GLIPR2: variants seen among roughly 807,000 people sequenced by gnomAD.
GLIPR2 encodes the protein Golgi-associated plant pathogenesis-related protein 1.
Under a neutral mutation model 20.4 loss-of-function variants are expected in GLIPR2, and 21 were observed. The ratio of observed to expected loss-of-function variants is 1.03; its 90% CI spans 0.73 to 1.48. The LOEUF (loss-of-function observed/expected upper bound fraction) is 1.48, where lower values mean the gene tolerates loss of function less well. Ranked by LOEUF, GLIPR2 falls within the 40% of genes most tolerant of loss-of-function variation. The pLI is 0.00. For missense variants in GLIPR2, 205 were observed against 200.1 expected, an observed-to-expected ratio of 1.02 and a Z score of -0.15; for synonymous variants, 91 against 80.5, an observed-to-expected ratio of 1.13 and a Z score of -0.70.
chr9:36,141,893 C>A (rs1455671455), intron 1 of GLIPR2: 1 of 455,522 alleles, frequency 2.2e-6, no homozygotes, highest in Non-Finnish European at 4.4e-6. Flanking sequence ...CCAGAAGGAA[C>A]TTCGAGAACC....
At chr9:36,160,037 G>A (rs1035058866) in intron 4 of GLIPR2, among the ~76,000 whole-genome samples, 1 of 152,154 alleles carries the variant, frequency 6.6e-6, no homozygotes, top group African/African-American at 2.4e-5. Context: ...CTAAGACCAA[G>A]GGACAAGAAG....
At position 36,147,881 on chromosome 9, in the gene GLIPR2, C is replaced by G. The variant is rs11541720; in HGVS notation, c.109C>G (p.Arg37Gly). 6.5e-7 allele frequency: 1 copy of G among 1,537,332 alleles called. No individual in the cohort carries two copies. The highest frequency in any genetic ancestry group is 9.0e-7 in the Non-Finnish European group (1 of 1,110,268). The part of the protein sequence containing the change: ...PPLKLCKNLN[R>G]EAQQYSEALA... ...ACTGAAGCTCTGCAAGAACCTCAAC[C>G]GGGAGGCTCAACAGTGAGTCCCCTA... The change falls in exon 2 of 5, where the codon CGG (arginine) becomes GGG (glycine). Residue 37 changes from arginine (R) to glycine (G), a missense_variant. Physicochemically the swap from Arg to Gly is moderately radical, Grantham distance 125 (BLOSUM62 -2). Coordinates refer to ENST00000377960, the MANE Select transcript of GLIPR2 (RefSeq NM_022343.4).
At chr9:36,160,333 T>C (rs1826001718) in intron 4 of GLIPR2, among the ~76,000 whole-genome samples, 1 of 152,144 alleles carries the variant, frequency 6.6e-6, no homozygotes, top group Non-Finnish European at 1.5e-5. Flanking sequence ...TTACAAATAC[T>C]TTTTGAAAAA....
At chr9:36,150,373 C>T (rs1472928505) in intron 3 of GLIPR2, among the ~76,000 whole-genome samples, 1 of 152,184 alleles carries the variant, frequency 6.6e-6, no homozygotes, top group Non-Finnish European at 1.5e-5. Context: ...AGTGGATGCC[C>T]CAGGTGAGGT....
At position 36,136,920 on chromosome 9, in the gene GLIPR2, G is replaced by C. The variant is rs891826953; in HGVS notation, c.13+129G>C. The stretch of plus-strand genomic sequence containing the variant: ...AGCCCGGGGTGCGGGTGGAGGGCGC[G>C]CGGGCGGAGCGCCCCGGCGCGGTTT... On this transcript the variant is annotated intron_variant, in intron 1 of 4. Transcript: ENST00000377960. The surrounding 1 kb of genome is among the most constrained non-coding windows in gnomAD (Gnocchi z 4.3). 5.6e-6 allele frequency: 6 copies of C among 1,075,034 alleles called. No homozygotes were observed. The African/African-American group carries it at 9.8e-5, about 18-fold the overall frequency. The allele number at this position is 1,075,034 out of a possible 1,614,324, so 66.6% of individuals were successfully genotyped here.
In GLIPR2 at chr9:36,162,504, C is replaced by G; in HGVS notation, c.447C>G (p.Val149=). ...VVNEGFFEEN[V]LPPKK ...ATGAGGGCTTCTTCGAAGAAAACGT[C>G]CTGCCGCCGAAGAAGTAACTTGTTA... The change falls in exon 5 of 5, where the codon GTC becomes GTG. Residue 149 remains valine, a synonymous_variant. Coordinates refer to ENST00000377960, the MANE Select transcript of GLIPR2 (RefSeq NM_022343.4). 1 of 1,614,158 alleles carries G rather than the reference C, an allele frequency of 6.2e-7. No homozygotes were observed. The highest frequency in any genetic ancestry group is 8.5e-7 in the Non-Finnish European group (1 of 1,180,018).
rs538893716 is a variant in GLIPR2 at position 36,141,810 on chromosome 9, C to G, written c.13+5019C>G. 83 of 453,990 alleles carry G rather than the reference C, an allele frequency of 1.8e-4. 3 individuals carry two copies. Among genetic ancestry groups the G allele is most frequent in the South Asian group, 1.3e-3 (83 of 64,312 alleles). 28.1% of individuals were successfully genotyped at this position (453,990 alleles called of 1,614,324 possible). ...CTGGGACCACAGGCGTGGGTCACCA[C>G]GCATGGCTAATTTTTTTTTTTTTTG... On this transcript the variant is annotated intron_variant, in intron 1 of 4. Transcript: ENST00000377960.
chr9:36,144,329 T>C (rs987936848), intron 1 of GLIPR2: 3 of 152,262 alleles, frequency 2.0e-5, no homozygotes, highest in Non-Finnish European at 4.4e-5. Flanking sequence ...ATCTTAACCA[T>C]TTTTAAGTGT....
chr9:36,160,583 AAAAT>A (rs1056521595), intron 4 of GLIPR2, among the ~76,000 whole-genome samples: 1 of 152,150 alleles, frequency 6.6e-6, no homozygotes, highest in Non-Finnish European at 1.5e-5. Flanking sequence ...CAGAAGAAAA[AAAAT>A]GTGCAAGGGT....
At chr9:36,137,298 G>A (rs141064363) in intron 1 of GLIPR2, among the ~76,000 whole-genome samples, 92 of 152,288 alleles carry the variant, frequency 6.0e-4, no homozygotes, top group African/African-American at 1.9e-3. Flanking sequence ...TCTCTACTGT[G>A]GCTGTCGGGA....
chr9:36,136,862 G>A lies in GLIPR2; in HGVS notation c.13+71G>A. 8.0e-7 allele frequency: 1 copy of A among 1,254,912 alleles called. No individual in the cohort carries two copies. The highest frequency in any genetic ancestry group is 2.6e-4 in the Middle Eastern group (1 of 3,794). 77.7% of individuals were successfully genotyped at this position (1,254,912 alleles called of 1,614,324 possible). A position where few individuals can be genotyped will look rare whatever the true frequency, so the allele number is the denominator to read the frequency against. ...GCTCCCGGACCTCGCCGTCTCCCTCGTCCGCCGCAAGCCAGGTCCTGGGGA... is the reference window on the plus strand; with the variant it reads ...GCTCCCGGACCTCGCCGTCTCCCTCATCCGCCGCAAGCCAGGTCCTGGGGA... On this transcript the variant is annotated intron_variant, in intron 1 of 4. Transcript: ENST00000377960. The surrounding 1 kb of genome is among the most constrained non-coding windows in gnomAD (Gnocchi z 4.3).
intron 1 of GLIPR2, among the ~76,000 whole-genome samples, chr9:36,145,754 A>G (rs953813894): frequency 1.3e-5 from 2 of 152,014 alleles, no homozygotes; most frequent in Non-Finnish European, 2.9e-5. Flanking sequence ...TGGTGGATGG[A>G]CAGATGAATG....
Position 36,162,430 on chromosome 9 carries a change from G to T in GLIPR2, c.373G>T (p.Gly125Trp). ...CGTGGGGAAGGCGTCCGCAAGTGACGGGTCCTCCTTTGTGGTGGCCAGATA... is the reference window on the plus strand; with the variant it reads ...CGTGGGGAAGGCGTCCGCAAGTGACTGGTCCTCCTTTGTGGTGGCCAGATA... ...MGVGKASASD[G>W]SSFVVARYFP... The change falls in exon 5 of 5, where the codon GGG becomes TGG. Residue 125 changes from glycine to tryptophan, a missense_variant. By Grantham distance (184) the Gly-to-Trp change is radical. Coordinates refer to ENST00000377960, the MANE Select transcript of GLIPR2 (RefSeq NM_022343.4). 1.2e-6 allele frequency: 2 copies of T among 1,614,086 alleles called. No homozygotes were observed. Among genetic ancestry groups the T allele is most frequent in the Middle Eastern group, 1.7e-4 (1 of 6,060 alleles).
intron 1 of GLIPR2, among the ~76,000 whole-genome samples, chr9:36,146,430 A>C (rs117180227): frequency 0.01 from 1,538 of 152,246 alleles, 14 homozygotes; most frequent in Middle Eastern, 0.024. Context: ...CACTTACAAA[A>C]TATATTCACT....
chr9:36,142,382 C>A (rs1370056279), intron 1 of GLIPR2, among the ~76,000 whole-genome samples: 1 of 152,110 alleles, frequency 6.6e-6, no homozygotes, highest in Non-Finnish European at 1.5e-5. Flanking sequence ...GGAATTTGGG[C>A]AGGTAACTTC....
intron 3 of GLIPR2, among the ~76,000 whole-genome samples, chr9:36,150,664 C>G (rs542160852): frequency 6.6e-6 from 1 of 152,156 alleles, no homozygotes; most frequent in Non-Finnish European, 1.5e-5. Context: ...TCCCAGCCCC[C>G]CAGAAGGCCC....
Position 36,162,791 on chromosome 9 carries a change from T to A in GLIPR2, c.*269T>A, listed in dbSNP as rs1009011302. On this transcript the variant is annotated 3_prime_UTR_variant, in exon 5 of 5. Transcript: ENST00000377960. ...GGAGGGGGGATCCGTTTTTTTTTTT[T>A]AATTTTTTGTTATTTCTAAGCAAAC... The A allele has an allele frequency of 1.1e-4, 56 of 519,274 alleles. No individual in the cohort carries two copies. The highest frequency in any genetic ancestry group is 4.6e-4 in the Middle Eastern group (1 of 2,164). The allele number at this position is 519,274 out of a possible 1,614,324, so 32.2% of individuals were successfully genotyped here.
At chr9:36,153,109 C>T (rs541025784) in intron 4 of GLIPR2, among the ~76,000 whole-genome samples, 5 of 127,088 alleles carry the variant, frequency 3.9e-5, no homozygotes, top group African/African-American at 1.5e-4. Context: ...GCAACAAGGG[C>T]GAGACTCTGT....
In GLIPR2 at chr9:36,163,012, G is replaced by C. The variant is rs2132805505; in HGVS notation, c.*490G>C. ...GCTTTAAGCACATAAATACAAAGCA[G>C]CTTCCATCAGGAACATGGAGCAGGC... On this transcript the variant is annotated 3_prime_UTR_variant, in exon 5 of 5. Coordinates refer to ENST00000377960, the MANE Select transcript of GLIPR2 (RefSeq NM_022343.4). 2.4e-6 allele frequency: 1 copy of C among 410,188 alleles called. No homozygotes were observed. The highest frequency in any genetic ancestry group is 3.2e-5 in the Admixed American group (1 of 31,478). The allele number at this position is 410,188 out of a possible 1,614,324, so 25.4% of individuals were successfully genotyped here.
Sources: gnomAD v4.1 joint callset for allele counts (sites outside exome capture counted in the v4.1 genomes callset) on GRCh38, gnomAD v4.1.1 for gene constraint, Gnocchi (gnomAD v3.1) non-coding constraint, MANE v1.5 for transcripts, NCBI Gene and HGNC (gene_info 2026-07-23, HGNC 2026-07-21) for gene names.